DLG2: variants seen among roughly 807,000 people sequenced by gnomAD.
The protein encoded by DLG2 is discs large MAGUK scaffold protein 2.
Under a neutral mutation model 132.5 loss-of-function variants are expected in DLG2, and 45 were observed. The observed-to-expected ratio is 0.34, with a 90% CI of 0.27 to 0.44. DLG2 has a LOEUF of 0.44. Ranked by LOEUF, DLG2 falls within the 20% of genes least tolerant of loss-of-function variation. The pLI is 1.00. For synonymous variants in DLG2, 424 were observed against 419.6 expected, an observed-to-expected ratio of 1.01 and a Z score of -0.13; for missense variants, 1,045 against 1,196.9, an observed-to-expected ratio of 0.87 and a Z score of 1.87.
intron 7 of DLG2, among the ~76,000 whole-genome samples, chr11:84,446,549 G>A (rs2099035518): frequency 6.7e-6 from 1 of 149,840 alleles, no homozygotes; most frequent in African/African-American, 2.5e-5. Flanking sequence ...TAGCCCAAGA[G>A]CAGTTTCATA....
chr11:83,837,715 A>T (rs1414306158), intron 16 of DLG2, among the ~76,000 whole-genome samples: 1 of 135,194 alleles, frequency 7.4e-6, no homozygotes, highest in Non-Finnish European at 1.6e-5. Context: ...GTCCAAATAC[A>T]TAGCAAGCAA....
At chr11:84,643,899 G>C (rs1047858275) in intron 6 of DLG2, among the ~76,000 whole-genome samples, 1 of 152,132 alleles carries the variant, frequency 6.6e-6, no homozygotes, top group Non-Finnish European at 1.5e-5. Flanking sequence ...CATTGTGCCA[G>C]GTAGTTTATA....
intron 6 of DLG2, among the ~76,000 whole-genome samples, chr11:84,725,605 C>T (rs898753933): frequency 2.0e-5 from 3 of 152,068 alleles, no homozygotes; most frequent in African/African-American, 7.2e-5. Flanking sequence ...GAAGCTCTTC[C>T]TAACAGTAAC....
intron 7 of DLG2, among the ~76,000 whole-genome samples, chr11:84,322,198 T>C (rs2098408677): frequency 6.6e-6 from 1 of 152,202 alleles, no homozygotes. Flanking sequence ...GTTCTACTTC[T>C]CAGTGTAAAA....
chr11:85,508,118 C>A (rs1406714410), intron 3 of DLG2, among the ~76,000 whole-genome samples: 1 of 152,102 alleles, frequency 6.6e-6, no homozygotes, highest in Non-Finnish European at 1.5e-5. Context: ...AATCTTCTTT[C>A]AAGGTTTTTA....
At chr11:85,204,873 A>T (rs1177445363) in intron 4 of DLG2, among the ~76,000 whole-genome samples, 2 of 152,036 alleles carry the variant, frequency 1.3e-5, no homozygotes, top group Non-Finnish European at 2.9e-5. Flanking sequence ...CCAGAAATAA[A>T]TCCACACATT....
At chr11:83,674,825 C>A (rs2077412847) in intron 18 of DLG2, among the ~76,000 whole-genome samples, 2 of 152,178 alleles carry the variant, frequency 1.3e-5, no homozygotes, top group Admixed American at 6.5e-5. Flanking sequence ...AAGAAATATA[C>A]TTTGATTCTG....
At chr11:84,110,687 T>C (rs956492193) in intron 9 of DLG2, among the ~76,000 whole-genome samples, 1 of 152,192 alleles carries the variant, frequency 6.6e-6, no homozygotes, top group African/African-American at 2.4e-5. Context: ...TGAGTAGCCA[T>C]GCAGCACTAG....
intron 3 of DLG2, among the ~76,000 whole-genome samples, chr11:85,440,438 T>G (rs557327491): frequency 3.0e-4 from 46 of 152,346 alleles, no homozygotes; most frequent in African/African-American, 1.1e-3. Flanking sequence ...CCAGACATTT[T>G]TCTCATTTCT....
At chr11:84,203,214 A>C (rs2096619485) in intron 8 of DLG2, among the ~76,000 whole-genome samples, 1 of 152,218 alleles carries the variant, frequency 6.6e-6, no homozygotes, top group East Asian at 1.9e-4. Context: ...GAACCAACCT[A>C]AATGCCCATC....
intron 7 of DLG2, among the ~76,000 whole-genome samples, chr11:84,362,399 G>C (rs1430205345): frequency 6.6e-6 from 1 of 151,840 alleles, no homozygotes; most frequent in Non-Finnish European, 1.5e-5. Context: ...TTAAAAATCA[G>C]GGTTTTAATT....
chr11:83,609,444 G>C (rs544591402), intron 19 of DLG2, among the ~76,000 whole-genome samples: 1 of 152,312 alleles, frequency 6.6e-6, no homozygotes, highest in East Asian at 1.9e-4. Context: ...GGAGCCCTGA[G>C]AGCTGGAAAT....
chr11:85,578,603 T>A (rs944155530), intron 3 of DLG2, among the ~76,000 whole-genome samples: 10 of 152,102 alleles, frequency 6.6e-5, no homozygotes, highest in Non-Finnish European at 1.2e-4. Flanking sequence ...AAAGAAAACA[T>A]ACATATGCCA....
At chr11:83,868,620 T>C (rs574982731) in intron 16 of DLG2, among the ~76,000 whole-genome samples, 4 of 152,238 alleles carry the variant, frequency 2.6e-5, no homozygotes, top group Admixed American at 1.3e-4. Context: ...AAAAATCCTT[T>C]GCCCTTTACC....
At chr11:84,484,654 T>A (rs974865473) in intron 7 of DLG2, among the ~76,000 whole-genome samples, 3 of 152,178 alleles carry the variant, frequency 2.0e-5, no homozygotes, top group Non-Finnish European at 4.4e-5. Flanking sequence ...TATGAAGCAA[T>A]ATCCCCAATT....
rs1307121418 is a variant in DLG2 at position 83,930,463 on chromosome 11, C to T, written c.1361G>A (p.Ser454Asn). The T allele has an allele frequency of 6.2e-7, 1 of 1,613,962 alleles. No individual in the cohort carries two copies. Among genetic ancestry groups the T allele is most frequent in the East Asian group, 2.2e-5 (1 of 44,872 alleles). ...CTTATCACATAGTTTGTTCACAGTG[C>T]TGTAAACAGGTTCCGGAGGCCTGGT... The part of the protein sequence containing the change: ...DYTRPPEPVY[S>N]TVNKLCDKPA... The change falls in exon 15 of 28, where the codon AGC (serine) becomes AAC (asparagine). Residue 454 changes from serine (S) to asparagine (N), a missense_variant. Physicochemically the swap from Ser to Asn is conservative, Grantham distance 46. Around this residue, in one of 4 missense-constraint regions of DLG2, gnomAD observed 261 missense variants for 256.1 expected, o/e 1.02. Transcript: ENST00000376104.
chr11:84,099,153 C>A (rs1451891330), intron 9 of DLG2, 106 bp from the exon 10 acceptor site: 2 of 1,042,560 alleles, frequency 1.9e-6, no homozygotes, highest in African/African-American at 1.6e-5. Flanking sequence ...AATCAGGTGA[C>A]AACAGTCTTG....
chr11:84,335,278 G>C (rs1383481699), intron 7 of DLG2, among the ~76,000 whole-genome samples: 1 of 151,384 alleles, frequency 6.6e-6, no homozygotes, highest in Non-Finnish European at 1.5e-5. Flanking sequence ...GGGAGGGAGG[G>C]AGGAAAAGGT....
chr11:84,586,196 TG>T (rs1593003942), intron 6 of DLG2, among the ~76,000 whole-genome samples: 1 of 151,264 alleles, frequency 6.6e-6, no homozygotes, highest in East Asian at 1.9e-4. Flanking sequence ...ATTGTGATGG[TG>T]GATTTATTAC....
Sources: gnomAD v4.1 joint callset for allele counts (sites outside exome capture counted in the v4.1 genomes callset) on GRCh38, gnomAD v4.1.1 for gene constraint, gnomAD v4.1.1 regional missense constraint, MANE v1.5 for transcripts, NCBI Gene and HGNC (gene_info 2026-07-23, HGNC 2026-07-21) for gene names.